PDZRN4: variants seen among roughly 807,000 people sequenced by gnomAD.
PDZRN4 encodes the protein PDZ domain containing ring finger 4.
In PDZRN4, 70 loss-of-function variants were observed where a neutral mutation model predicts 99.0. The ratio of observed to expected loss-of-function variants is 0.71; its 90% CI spans 0.58 to 0.86. PDZRN4 has a LOEUF of 0.86. Among genes scored for constraint, PDZRN4 ranks in the 40% least tolerant of loss-of-function variants. PDZRN4 has a pLI of 0.00. For missense variants in PDZRN4, 1,474 were observed against 1,331.2 expected, an observed-to-expected ratio of 1.11 and a Z score of -1.67; for synonymous variants, 551 against 501.6, an observed-to-expected ratio of 1.10 and a Z score of -1.32.
At chr12:41,232,644 AT>A (rs756394561) in intron 3 of PDZRN4, among the ~76,000 whole-genome samples, 1 of 151,770 alleles carries the variant, frequency 6.6e-6, no homozygotes, top group Non-Finnish European at 1.5e-5. Context: ...CTGATGGTAG[AT>A]TTTTGCTGTG....
At position 41,506,458 on chromosome 12, in the gene PDZRN4, C is replaced by A. The variant is rs779912665; in HGVS notation, c.846C>A (p.Val282=). Residue 282 remains valine, a splice_region_variant and synonymous_variant, in exon 4 of 10, where the codon GTC becomes GTA. Coordinates refer to ENST00000402685, the MANE Select transcript of PDZRN4 (RefSeq NM_001164595.2). ...ACAATGTCCTTATATGTTTGTAGGT[C>A]AATGGGAAGGATCTTTCAAAGGCCA... is the stretch of plus-strand genomic sequence containing the variant. The part of the protein sequence containing the change: ...GLEIHDKIME[V]NGKDLSKATH... The A allele has an allele frequency of 1.6e-5, 26 of 1,608,860 alleles. No individual in the cohort carries two copies. In the East Asian group the frequency reaches 5.1e-4, roughly 32 times the overall value.
At chr12:41,445,537 C>T (rs543822043) in intron 3 of PDZRN4, among the ~76,000 whole-genome samples, 1 of 151,986 alleles carries the variant, frequency 6.6e-6, no homozygotes, top group Non-Finnish European at 1.5e-5. Flanking sequence ...TGAATTTTCA[C>T]AAGTCATTTA....
In PDZRN4 at chr12:41,567,843, A is replaced by T. The variant is rs1355893664; in HGVS notation, c.1528A>T (p.Met510Leu). The T allele has an allele frequency of 3.7e-6, 6 of 1,613,518 alleles. No homozygotes were observed. In the African/African-American group the frequency reaches 8.0e-5, roughly 22 times the overall value. Residue 510 changes from methionine to leucine, a missense_variant, in exon 9 of 10, where the codon ATG becomes TTG. By Grantham distance (15) the Met-to-Leu change is conservative. Transcript: ENST00000402685. ...NEFLEELNLE[M>L]LEEEHNEAMQ... ...ATTCTTAGAGGAGTTAAACTTGGAG[A>T]TGTTGGAAGAAGAGCATAATGAAGC...
At chr12:41,501,489 T>A (rs1231410142) in intron 3 of PDZRN4, among the ~76,000 whole-genome samples, 1 of 152,154 alleles carries the variant, frequency 6.6e-6, no homozygotes, top group Non-Finnish European at 1.5e-5. Flanking sequence ...GGTAGATGAT[T>A]CATTAAACAG....
chr12:41,465,492 A>C (rs1952916241), intron 3 of PDZRN4, among the ~76,000 whole-genome samples: 1 of 152,222 alleles, frequency 6.6e-6, no homozygotes, highest in African/African-American at 2.4e-5. Flanking sequence ...ACAAAATACT[A>C]TGTTAAAACT....
chr12:41,481,464 C>A (rs1937673295), intron 3 of PDZRN4, among the ~76,000 whole-genome samples: 1 of 152,160 alleles, frequency 6.6e-6, no homozygotes, highest in Non-Finnish European at 1.5e-5. Flanking sequence ...CAATCTGCCC[C>A]TTACTCCCTC....
At chr12:41,202,026 T>C (rs1354298677) in intron 3 of PDZRN4, among the ~76,000 whole-genome samples, 3 of 152,166 alleles carry the variant, frequency 2.0e-5, no homozygotes, top group African/African-American at 7.2e-5. Flanking sequence ...GCAAAGCAGA[T>C]GTGCAGAGAA....
intron 3 of PDZRN4, among the ~76,000 whole-genome samples, chr12:41,362,577 C>A (rs1371900649): frequency 6.6e-6 from 1 of 152,004 alleles, no homozygotes; most frequent in East Asian, 1.9e-4. Flanking sequence ...AATGATCCTG[C>A]AAGTTTAGCA....
chr12:41,573,238 A>T lies in PDZRN4; in HGVS notation c.2459A>T (p.Glu820Val), dbSNP rs774485560. Residue 820 changes from glutamate (E) to valine (V), a missense_variant, in exon 10 of 10, where the codon GAG (glutamate) becomes GTG (valine). Glu to Val is a moderately radical substitution (Grantham distance 121). Transcript: ENST00000402685. ...GAAGGCAGCAAGCTTCCTGATCAAG[A>T]GAAGGCAGTCAGCGAACACATCCCT... is the stretch of plus-strand genomic sequence containing the variant. ...VLEGSKLPDQEKAVSEHIPYL... is the reference protein window; with the variant it reads ...VLEGSKLPDQVKAVSEHIPYL... 6.2e-7 allele frequency: 1 copy of T among 1,614,160 alleles called. No homozygotes were observed. The highest frequency in any genetic ancestry group is 8.5e-7 in the Non-Finnish European group (1 of 1,180,034).
At chr12:41,437,717 C>T (rs1952642787) in intron 3 of PDZRN4, 2 of 1,430,994 alleles carry the variant, frequency 1.4e-6, no homozygotes, top group Non-Finnish European at 1.8e-6. Flanking sequence ...ACTGGAAACT[C>T]TGTGTGTGTA....
chr12:41,420,485 C>T (rs190376938), intron 3 of PDZRN4, among the ~76,000 whole-genome samples: 17 of 152,246 alleles, frequency 1.1e-4, no homozygotes, highest in Admixed American at 9.8e-4. Flanking sequence ...CCTCATTCAA[C>T]TCGGCACAGC....
At chr12:41,442,628 A>G (rs928196871) in intron 3 of PDZRN4, among the ~76,000 whole-genome samples, 1 of 152,132 alleles carries the variant, frequency 6.6e-6, no homozygotes, top group Non-Finnish European at 1.5e-5. Flanking sequence ...TCTCTACTTT[A>G]TATCTAACAG....
chr12:41,561,410 G>T (rs1362344668), intron 7 of PDZRN4, among the ~76,000 whole-genome samples: 1 of 151,610 alleles, frequency 6.6e-6, no homozygotes, highest in Non-Finnish European at 1.5e-5. Context: ...ATTTTTACCT[G>T]TATCGACTCA....
Position 41,188,403 on chromosome 12 carries a change from G to A in PDZRN4, c.-53G>A, listed in dbSNP as rs1219062895. The A allele has an allele frequency of 1.4e-5, 20 of 1,448,674 alleles. No individual in the cohort carries two copies. The highest frequency in any genetic ancestry group is 1.6e-5 in the Non-Finnish European group (18 of 1,098,214). The allele number at this position is 1,448,674 out of a possible 1,614,324, so 89.7% of individuals were successfully genotyped here. On this transcript the variant is annotated 5_prime_UTR_variant, in exon 1 of 10. Coordinates refer to ENST00000402685, the MANE Select transcript of PDZRN4 (RefSeq NM_001164595.2). ...GGGGTGGCCCGGGGAAGGCAGGGGG[G>A]CTCGGAGAAGACGGACTCTGCTTTC...
chr12:41,401,668 G>A (rs551878631), intron 3 of PDZRN4, among the ~76,000 whole-genome samples: 2 of 151,990 alleles, frequency 1.3e-5, no homozygotes, highest in South Asian at 4.2e-4. Flanking sequence ...GTTATAATAC[G>A]TTTCCTGTTG....
intron 3 of PDZRN4, among the ~76,000 whole-genome samples, chr12:41,500,021 A>G (rs1236979282): frequency 6.6e-6 from 1 of 152,050 alleles, no homozygotes; most frequent in Non-Finnish European, 1.5e-5. Flanking sequence ...CACAAGTAAT[A>G]GGTTAGGCAA....
chr12:41,509,037 A>G (rs1014061926), intron 4 of PDZRN4, among the ~76,000 whole-genome samples: 2 of 152,160 alleles, frequency 1.3e-5, no homozygotes, highest in Non-Finnish European at 2.9e-5. Context: ...TTTATATCAG[A>G]ACATACTAAA....
intron 3 of PDZRN4, among the ~76,000 whole-genome samples, chr12:41,420,131 C>T (rs1952477085): frequency 6.6e-6 from 1 of 152,094 alleles, no homozygotes; most frequent in Admixed American, 6.6e-5. Flanking sequence ...TGAGTTCATT[C>T]AAATCTCTGT....
chr12:41,223,438 T>TAATC (rs1259983031), intron 3 of PDZRN4, among the ~76,000 whole-genome samples: 1 of 152,098 alleles, frequency 6.6e-6, no homozygotes, highest in African/African-American at 2.4e-5. Flanking sequence ...TTAGTTCAGA[T>TAATC]AATCACACAA....
Sources: allele counts gnomAD v4.1 joint callset (sites outside exome capture counted in the v4.1 genomes callset), GRCh38; gene constraint gnomAD v4.1.1; transcripts MANE v1.5; gene names NCBI Gene and HGNC (gene_info 2026-07-23, HGNC 2026-07-21).